TMC2: variants seen among roughly 807,000 people sequenced by gnomAD.
TMC2 encodes transmembrane channel-like protein 2.
In TMC2, 102 loss-of-function variants were observed where a neutral mutation model predicts 105.9. That is an observed-to-expected ratio of 0.96 (90% CI 0.82 to 1.14). TMC2 has a LOEUF of 1.14. Ranked by LOEUF, TMC2 falls within the 50% of genes most tolerant of loss-of-function variation. TMC2 has a pLI of 0.00. For missense variants in TMC2, 1,093 were observed against 1,134.3 expected (o/e 0.96, Z 0.52); for synonymous variants, 402 against 422.8 (o/e 0.95, Z 0.60).
chr20:2,593,212 A>C (rs1054785942), intron 8 of TMC2, among the ~76,000 whole-genome samples: 1 of 151,918 alleles, frequency 6.6e-6, no homozygotes, highest in Non-Finnish European at 1.5e-5. Flanking sequence ...ACCAGATCTC[A>C]CCAGAACTCC....
intron 4 of TMC2, among the ~76,000 whole-genome samples, chr20:2,570,537 G>A (rs1475366066): frequency 6.6e-6 from 1 of 152,110 alleles, no homozygotes. Context: ...CATGCTCATG[G>A]ATTGGAAGAA....
Position 2,613,289 on chromosome 20 carries a change from C to A in TMC2, c.1839C>A (p.Asn613Lys), listed in dbSNP as rs754671034. The change falls in exon 14 of 20, where the codon AAC becomes AAA. Residue 613 changes from asparagine (N) to lysine (K), a missense_variant. Physicochemically the swap from Asn to Lys is moderately conservative, Grantham distance 94 (BLOSUM62 0). Coordinates refer to ENST00000358864, the MANE Select transcript of TMC2 (RefSeq NM_080751.3). ...FLRACFVRFM[N>K]YCWCWDLEAG... ...GGGCTTGTTTTGTGCGGTTCATGAA[C>A]TACTGCTGGTGCTGGGACTTGGAGG... The A allele has an allele frequency of 1.2e-6, 2 of 1,613,990 alleles. No homozygotes were observed. Among genetic ancestry groups the A allele is most frequent in the Non-Finnish European group, 1.7e-6 (2 of 1,180,002 alleles).
At position 2,589,269 on chromosome 20, in the gene TMC2, C is replaced by CGTGTGTGTGTGTGTGTGTGTGTGT. The variant is rs764448789; in HGVS notation, c.835-3041_835-3040insGTGTGTGTGTGTGTGTGTGTGTGT. Among the ~76,000 whole-genome samples, 19 of 84,704 alleles carry CGTGTGTGTGTGTGTGTGTGTGTGT rather than the reference C, an allele frequency of 2.2e-4. 1 individual carries two copies. The highest frequency in any genetic ancestry group is 3.2e-4 in the Admixed American group (3 of 9,458). 55.6% of individuals were successfully genotyped at this position (84,704 alleles called of 152,430 possible). ...TTTTTCCAGATATCTTCCTATTTGC[C>CGTGTGTGTGTGTGTGTGTGTGTGT]CTGTGTGTGTGTGTGTGTGTGTGTG... On this transcript the variant is annotated intron_variant, in intron 7 of 19. Transcript: ENST00000358864.
chr20:2,557,213 T>A (rs1436382428), intron 2 of TMC2, among the ~76,000 whole-genome samples: 1 of 152,248 alleles, frequency 6.6e-6, no homozygotes, highest in Admixed American at 6.5e-5. Context: ...CCATTACACA[T>A]ATGTTACTCC....
At chr20:2,574,830 A>G (rs934051300) in intron 5 of TMC2, among the ~76,000 whole-genome samples, 2 of 152,044 alleles carry the variant, frequency 1.3e-5, no homozygotes, top group African/African-American at 2.4e-5. Context: ...GGTTCAAGCA[A>G]TTCTCCTGCC....
intron 2 of TMC2, among the ~76,000 whole-genome samples, chr20:2,554,020 G>A (rs965383147): frequency 1.3e-5 from 2 of 152,022 alleles, no homozygotes; most frequent in African/African-American, 4.8e-5. Flanking sequence ...GAGTAGCTGG[G>A]ATTACAGGCA....
Position 2,558,567 on chromosome 20 carries a change from G to A in TMC2, c.194G>A (p.Ser65Asn). 1 of 1,553,152 alleles carries A rather than the reference G, an allele frequency of 6.4e-7. No individual in the cohort carries two copies. The highest frequency in any genetic ancestry group is 8.7e-7 in the Non-Finnish European group (1 of 1,147,984). ...AAGGAGCGCGCCGGGGGCAGCCCAAGCCCGGGGTCTCCCCGGAGGAAGCAA... is the reference window on the plus strand; with the variant it reads ...AAGGAGCGCGCCGGGGGCAGCCCAAACCCGGGGTCTCCCCGGAGGAAGCAA... ...SQKERAGGSP[S>N]PGSPRRKQTG... Residue 65 changes from serine (S) to asparagine (N), a missense_variant, in exon 3 of 20, where the codon AGC (serine) becomes AAC (asparagine). By Grantham distance (46) the Ser-to-Asn change is conservative. Transcript: ENST00000358864. The surrounding 1 kb of genome is among the most constrained non-coding windows in gnomAD (Gnocchi z 4.6).
chr20:2,632,945 C>A (rs2086614370), intron 17 of TMC2, among the ~76,000 whole-genome samples: 1 of 152,040 alleles, frequency 6.6e-6, no homozygotes, highest in Admixed American at 6.6e-5. Context: ...ATATGGCAGC[C>A]ATGGAAATCA....
intron 17 of TMC2, among the ~76,000 whole-genome samples, chr20:2,627,412 G>A (rs559426626): frequency 3.9e-5 from 6 of 152,268 alleles, no homozygotes; most frequent in African/African-American, 1.2e-4. Context: ...ATCATTTGAG[G>A]GCAATTTGTA....
Position 2,641,332 on chromosome 20 carries a change from C to A in TMC2, c.2702C>A (p.Ala901Asp). 1 of 1,613,204 alleles carries A rather than the reference C, an allele frequency of 6.2e-7. No individual in the cohort carries two copies. The highest frequency in any genetic ancestry group is 8.5e-7 in the Non-Finnish European group (1 of 1,179,246). The part of the protein sequence containing the change: ...HPWRSASGKS[A>D]QRPPH ...TGGAGGTCAGCCTCTGGAAAGAGTG[C>A]TCAGAGACCTCCCCACTGATGGCTA... The change falls in exon 20 of 20, where the codon GCT (alanine) becomes GAT (aspartate). Residue 901 changes from alanine to aspartate, a missense_variant. By Grantham distance (126) the Ala-to-Asp change is moderately radical. Transcript: ENST00000358864.
intron 19 of TMC2, among the ~76,000 whole-genome samples, chr20:2,640,834 G>C (rs1041699532): frequency 6.6e-6 from 1 of 152,062 alleles, no homozygotes; most frequent in Non-Finnish European, 1.5e-5. Flanking sequence ...CAGTCACCCT[G>C]CGAGGCTGCC....
At position 2,597,181 on chromosome 20, in the gene TMC2, C is replaced by T. The variant is rs749847002; in HGVS notation, c.1107C>T (p.Gly369=). 1.9e-5 allele frequency: 30 copies of T among 1,613,964 alleles called. No individual in the cohort carries two copies. The highest frequency in any genetic ancestry group is 3.3e-5 in the Admixed American group (2 of 60,000). Residue 369 remains glycine, a synonymous_variant, in exon 10 of 20, where the codon GGC becomes GGT. Coordinates refer to ENST00000358864, the MANE Select transcript of TMC2 (RefSeq NM_080751.3). The stretch of plus-strand genomic sequence containing the variant: ...CCAGCAATACCCAAGGAAGCACAGG[C>T]GAAGGGGAGAGTGACAACTTCACAT... ...SMASNTQGST[G]EGESDNFTFS...
At chr20:2,621,484 C>CA (rs1218099950) in intron 16 of TMC2, among the ~76,000 whole-genome samples, 2 of 151,402 alleles carry the variant, frequency 1.3e-5, no homozygotes, top group Non-Finnish European at 2.9e-5. Flanking sequence ...TGGTTTTGAA[C>CA]ATGGAGAAAC....
At chr20:2,631,705 G>GGTT (rs148808162) in intron 17 of TMC2, among the ~76,000 whole-genome samples, 33 of 145,528 alleles carry the variant, frequency 2.3e-4, no homozygotes, top group East Asian at 1.0e-3. Context: ...GACTATGGCT[G>GGTT]TTTTTTTTTT....
chr20:2,617,441 G>A (rs773068616), intron 16 of TMC2, 130 bp downstream of exon 16: 507 of 1,231,148 alleles, frequency 4.1e-4, no homozygotes, highest in Non-Finnish European at 5.2e-4. Flanking sequence ...GTGAATCACC[G>A]ATGCCATTTA....
intron 3 of TMC2, among the ~76,000 whole-genome samples, chr20:2,559,242 A>T (rs1467735187): frequency 6.6e-6 from 1 of 152,230 alleles, no homozygotes; most frequent in East Asian, 1.9e-4. Flanking sequence ...GATCTGGGCC[A>T]GTTTCCTCTG....
intron 5 of TMC2, among the ~76,000 whole-genome samples, chr20:2,577,160 G>A (rs1013990323): frequency 2.0e-5 from 3 of 151,886 alleles, no homozygotes; most frequent in Non-Finnish European, 4.4e-5. Flanking sequence ...CACCTGCCTC[G>A]ATCTCCCAAA....
chr20:2,616,244 G>T lies in TMC2; in HGVS notation c.1940+40G>T. The T allele has an allele frequency of 6.4e-7, 1 of 1,568,508 alleles. No homozygotes were observed. On this transcript the variant is annotated intron_variant, in intron 15 of 19. Transcript: ENST00000358864. The surrounding 1 kb of genome is among the most constrained non-coding windows in gnomAD (Gnocchi z 4.8). The stretch of plus-strand genomic sequence containing the variant: ...TCATCTGGTGATCGCCTCATCCAAG[G>T]AGTCAAAAAACTGGAATCCCAGACT...
chr20:2,569,980 C>A (rs925672140), intron 4 of TMC2, among the ~76,000 whole-genome samples: 1 of 152,112 alleles, frequency 6.6e-6, no homozygotes, highest in African/African-American at 2.4e-5. Context: ...AAGGAACATA[C>A]CTCAAAATAA....
Sources: gnomAD v4.1 joint callset for allele counts (sites outside exome capture counted in the v4.1 genomes callset) on GRCh38, gnomAD v4.1.1 for gene constraint, Gnocchi (gnomAD v3.1) non-coding constraint, MANE v1.5 for transcripts, NCBI Gene and HGNC (gene_info 2026-07-23, HGNC 2026-07-21) for gene names.